Variants in DNM2 observed in about 807,000 individuals in gnomAD.
DNM2 encodes dynamin-2.
Under a neutral mutation model 99.0 loss-of-function variants are expected in DNM2, and 15 were observed. That is an observed-to-expected ratio of 0.15 (90% CI 0.10 to 0.23). DNM2 has a LOEUF of 0.23. Ranked by LOEUF, DNM2 falls within the 10% of genes least tolerant of loss-of-function variation. The probability of loss-of-function intolerance (pLI) is 1.00; values close to 1 mark genes in which losing one functional copy is unlikely to be tolerated. For missense variants in DNM2, 742 were observed against 1,189.4 expected, an observed-to-expected ratio of 0.62 and a Z score of 5.53; for synonymous variants, 525 against 481.2, an observed-to-expected ratio of 1.09 and a Z score of -1.19.
intron 1 of DNM2, among the ~76,000 whole-genome samples, chr19:10,733,862 G>A (rs552233605): frequency 2.0e-5 from 3 of 151,930 alleles, no homozygotes; most frequent in East Asian, 3.9e-4. Context: ...CAAAAAATTA[G>A]CCAGGTGTGG....
intron 1 of DNM2, among the ~76,000 whole-genome samples, chr19:10,749,786 A>T (rs1002168305): frequency 1.3e-5 from 2 of 152,246 alleles, no homozygotes; most frequent in Non-Finnish European, 2.9e-5. Context: ...GGCGTGTCAC[A>T]GGACTAGACC....
chr19:10,795,917 G>C lies in DNM2; in HGVS notation c.1196+478G>C. ...TCCTCGGGTCACCCTGAGGGTTTCC[G>C]GGCAGTGGACTCAGGCATCCGACCC... On this transcript the variant is annotated intron_variant, in intron 9 of 20. Coordinates refer to ENST00000389253, the MANE Select transcript of DNM2 (RefSeq NM_001005361.3). The surrounding 1 kb of genome is among the most constrained non-coding windows in gnomAD (Gnocchi z 4.2). The C allele has an allele frequency of 7.2e-7, 1 of 1,386,834 alleles. No homozygotes were observed. The highest frequency in any genetic ancestry group is 1.0e-6 in the Non-Finnish European group (1 of 989,024). The allele number at this position is 1,386,834 out of a possible 1,614,324, so 85.9% of individuals were successfully genotyped here.
intron 1 of DNM2, among the ~76,000 whole-genome samples, chr19:10,751,876 A>G (rs1195602910): frequency 6.6e-6 from 1 of 152,262 alleles, no homozygotes; most frequent in Non-Finnish European, 1.5e-5. Context: ...TTAGCAAAGC[A>G]ATTTTACTTC....
chr19:10,724,892 G>A (rs1346404345), intron 1 of DNM2, among the ~76,000 whole-genome samples: 1 of 152,184 alleles, frequency 6.6e-6, no homozygotes. Flanking sequence ...TTCCAGCTGC[G>A]TTTTTATTTG....
chr19:10,822,192 T>TC (rs1684856318), intron 16 of DNM2, among the ~76,000 whole-genome samples: 4 of 150,804 alleles, frequency 2.7e-5, no homozygotes, highest in East Asian at 1.9e-4. Context: ...TTTTTCTTTT[T>TC]TTTTTTTTTT....
In DNM2 at chr19:10,795,247, T is replaced by G. The variant is rs2071891373; in HGVS notation, c.1129-125T>G. On this transcript the variant is annotated intron_variant, in intron 8 of 20. Transcript: ENST00000389253. This position sits in a 1 kb window ranked among gnomAD's most constrained non-coding sequence, Gnocchi z 4.2. ...GTTTTCAATTTTTTAAATAAAATTT[T>G]GACGAGTTAAATATTCTGCCTTGTG... 1 of 899,586 alleles carries G rather than the reference T, an allele frequency of 1.1e-6. No individual in the cohort carries two copies. Among genetic ancestry groups the G allele is most frequent in the African/African-American group, 1.6e-5 (1 of 61,040 alleles). 55.7% of individuals were successfully genotyped at this position (899,586 alleles called of 1,614,324 possible).
rs566129165 is a variant in DNM2, at chr19:10,830,074, G to C, written c.2292-53G>C. ...GTTCTGGCAGCCACAGTGGCATGGC[G>C]GGGGCTCCTACTCCATCTGTATCTG... On this transcript the variant is annotated intron_variant, in intron 19 of 20. Coordinates refer to ENST00000389253, the MANE Select transcript of DNM2 (RefSeq NM_001005361.3). This position sits in a 1 kb window ranked among gnomAD's most constrained non-coding sequence, Gnocchi z 4.8. 2 of 1,613,000 alleles carry C rather than the reference G, an allele frequency of 1.2e-6. No individual in the cohort carries two copies. The highest frequency in any genetic ancestry group is 2.7e-5 in the African/African-American group (2 of 74,830).
chr19:10,727,622 G>A (rs1233257722), intron 1 of DNM2, among the ~76,000 whole-genome samples: 4 of 127,592 alleles, frequency 3.1e-5, no homozygotes, highest in Non-Finnish European at 7.0e-5. Context: ...CTCCTGCCTC[G>A]GCTTCCCAAA....
rs1449308297 is a variant in DNM2 at position 10,820,192 on chromosome 19, C to T, written c.1781+103C>T. 8.6e-7 allele frequency: 1 copy of T among 1,158,470 alleles called. No homozygotes were observed. Among genetic ancestry groups the T allele is most frequent in the Non-Finnish European group, 1.3e-6 (1 of 777,372 alleles). The allele number at this position is 1,158,470 out of a possible 1,614,324, so 71.8% of individuals were successfully genotyped here. A position where few individuals can be genotyped will look rare whatever the true frequency, so the allele number is the denominator to read the frequency against. On this transcript the variant is annotated intron_variant, in intron 16 of 20. Coordinates refer to ENST00000389253, the MANE Select transcript of DNM2 (RefSeq NM_001005361.3). The surrounding 1 kb of genome is among the most constrained non-coding windows in gnomAD (Gnocchi z 4.3). Reference sequence around the variant, plus strand: ...CACTGAGCACCTGGCTGTCAGCAGTCCCTGCCCTTGGGACCCAGCTTTTAG... The same window carrying T: ...CACTGAGCACCTGGCTGTCAGCAGTTCCTGCCCTTGGGACCCAGCTTTTAG...
rs1599421999 is a variant in DNM2, at chr19:10,726,888, A to G, written c.161+8485A>G. The stretch of plus-strand genomic sequence containing the variant: ...AAAACAAACAAACAAACAAAAACCA[A>G]TGATAGGGGATTTGGCCAGATAAGC... On this transcript the variant is annotated intron_variant, in intron 1 of 20. Coordinates refer to ENST00000389253, the MANE Select transcript of DNM2 (RefSeq NM_001005361.3). 2.0e-5 allele frequency among the ~76,000 whole-genome samples: 3 copies of G among 152,114 alleles called. No homozygotes were observed. In the South Asian group the frequency reaches 6.2e-4, roughly 32 times the overall value.
At position 10,782,957 on chromosome 19, in the gene DNM2, C is replaced by T. The variant is rs373330742; in HGVS notation, c.689-3C>T. ...CCCCTGACCTGACTGCCTCTCCCCA[C>T]AGGCTACATTGGCGTGGTGAACCGC... On this transcript the variant is annotated splice_region_variant and splice_polypyrimidine_tract_variant and intron_variant, in intron 5 of 20. Coordinates refer to ENST00000389253, the MANE Select transcript of DNM2 (RefSeq NM_001005361.3). 6.2e-7 allele frequency: 1 copy of T among 1,613,968 alleles called. No individual in the cohort carries two copies. Among genetic ancestry groups the T allele is most frequent in the African/African-American group, 1.3e-5 (1 of 74,932 alleles).
In DNM2 at chr19:10,795,688, T is replaced by C. The variant is rs1599569173; in HGVS notation, c.1196+249T>C. On this transcript the variant is annotated intron_variant, in intron 9 of 20. Transcript: ENST00000389253. This position sits in a 1 kb window ranked among gnomAD's most constrained non-coding sequence, Gnocchi z 4.2. ...TCCTGATCAAATAGGGCTTAGTTCC[T>C]GCCCAGTCGGTTGGTGTGAACCTCA... 1 of 590,018 alleles carries C rather than the reference T, an allele frequency of 1.7e-6. No homozygotes were observed. Among genetic ancestry groups the C allele is most frequent in the Non-Finnish European group, 3.0e-6 (1 of 331,794 alleles). The allele number at this position is 590,018 out of a possible 1,614,324, so 36.5% of individuals were successfully genotyped here.
chr19:10,821,029 G>T (rs1366913345), intron 16 of DNM2, among the ~76,000 whole-genome samples: 1 of 152,180 alleles, frequency 6.6e-6, no homozygotes, highest in African/African-American at 2.4e-5. Flanking sequence ...GTCAGTAAAG[G>T]CCCGGTGGTA....
intron 1 of DNM2, among the ~76,000 whole-genome samples, chr19:10,729,383 C>G (rs755863933): frequency 1.3e-5 from 2 of 151,818 alleles, no homozygotes; most frequent in Non-Finnish European, 2.9e-5. Context: ...TAAAAATATT[C>G]TGAAGAGTGA....
In DNM2 at chr19:10,795,351, G is replaced by A; in HGVS notation, c.1129-21G>A. 1.9e-6 allele frequency: 3 copies of A among 1,614,100 alleles called. No homozygotes were observed. The South Asian group carries it at 3.3e-5, about 18-fold the overall frequency. ...GCGCCCCGGGTGCCTCCATGCATGT[G>A]CTTGGTTTGTCTCTTCTCAGATGGA... On this transcript the variant is annotated intron_variant, in intron 8 of 20. Transcript: ENST00000389253. The surrounding 1 kb of genome is among the most constrained non-coding windows in gnomAD (Gnocchi z 4.2).
In DNM2 at chr19:10,811,987, A is replaced by G. The variant is rs1449495803; in HGVS notation, c.1558-277A>G. 2.1e-6 allele frequency: 1 copy of G among 481,326 alleles called. No individual in the cohort carries two copies. The allele number at this position is 481,326 out of a possible 1,614,324, so 29.8% of individuals were successfully genotyped here. On this transcript the variant is annotated intron_variant, in intron 14 of 20. Transcript: ENST00000389253. This position sits in a 1 kb window ranked among gnomAD's most constrained non-coding sequence, Gnocchi z 5.4. ...CACACAAGCCCCAGGGACTCCTCCC[A>G]TGGGCCCCTTTCCATCAGGCCTCTG...
At chr19:10,823,140 C>T (rs1252637757) in intron 16 of DNM2, 1 of 151,858 alleles carries the variant, frequency 6.6e-6, no homozygotes, top group Non-Finnish European at 1.5e-5. Flanking sequence ...CACAGTGGCT[C>T]ACACCTGTAA....
intron 17 of DNM2, chr19:10,824,599 G>A (rs1225382242): frequency 4.6e-6 from 1 of 216,502 alleles, no homozygotes; most frequent in Non-Finnish European, 9.4e-6. Context: ...GGGCCCAGGA[G>A]TTCGAAAACA....
intron 1 of DNM2, among the ~76,000 whole-genome samples, chr19:10,744,879 C>T (rs541191819): frequency 5.9e-5 from 9 of 152,164 alleles, no homozygotes; most frequent in East Asian, 1.9e-4. Context: ...CCTAGGAGGG[C>T]GGAGTTGTGA....
Sources: allele counts gnomAD v4.1 joint callset (sites outside exome capture counted in the v4.1 genomes callset), GRCh38; gene constraint gnomAD v4.1.1; non-coding constraint Gnocchi (gnomAD v3.1); transcripts MANE v1.5; gene names NCBI Gene and HGNC (gene_info 2026-07-23, HGNC 2026-07-21).